The following RBBP7 variants were observed in gnomAD, a reference collection of about 807,000 sequenced individuals.
RBBP7 encodes the protein histone-binding protein RBBP7.
In RBBP7, 5 loss-of-function variants were observed where a neutral mutation model predicts 35.2. That is an observed-to-expected ratio of 0.14 (90% CI 0.07 to 0.30). RBBP7 has a LOEUF of 0.30. RBBP7 is among the 10% of genes least tolerant of loss of function. RBBP7 has a pLI of 1.00. For missense variants in RBBP7, 155 were observed against 327.5 expected, an observed-to-expected ratio of 0.47 and a Z score of 4.07; for synonymous variants, 140 against 118.7, an observed-to-expected ratio of 1.18 and a Z score of -1.17.
At chrX:16,854,992 T>C (rs1930312549) in intron 5 of RBBP7, among the ~76,000 whole-genome samples, 1 of 109,652 alleles carries the variant, frequency 9.1e-6, no homozygotes, top group South Asian at 3.9e-4. Context: ...TGGGTTTTTT[T>C]TTTTTTTTTA....
At chrX:16,855,995 C>CA (rs754398259) in intron 5 of RBBP7, among the ~76,000 whole-genome samples, 1,849 of 15,951 alleles carry the variant, frequency 0.12, 477 homozygotes, top group Non-Finnish European at 0.16. Context: ...GACCTTGTCT[C>CA]AAAAAAAAAA....
At chrX:16,845,959 G>T (rs760822190) in intron 10 of RBBP7, 21 bp from the exon 11 acceptor site, 2 of 1,198,466 alleles carry the variant, frequency 1.7e-6, no homozygotes, top group Admixed American at 2.3e-5. Context: ...AACAAAAAAA[G>T]CTTTGATTTC....
intron 2 of RBBP7, among the ~76,000 whole-genome samples, chrX:16,865,042 C>T (rs1043034717): frequency 1.5e-3 from 101 of 65,231 alleles, no homozygotes; most frequent in Non-Finnish European, 2.2e-3. Flanking sequence ...CCAGCCTGGG[C>T]AACATAGCAA....
intron 9 of RBBP7, 73 bp downstream of exon 9, chrX:16,851,973 A>G: frequency 1.1e-6 from 1 of 914,200 alleles, no homozygotes; most frequent in Non-Finnish European, 1.6e-6. Flanking sequence ...TTGCTTTTCT[A>G]GTTTATGAAT....
intron 8 of RBBP7, 108 bp from the exon 9 acceptor site, chrX:16,852,230 C>T: frequency 1.3e-6 from 1 of 742,056 alleles, no homozygotes; most frequent in Non-Finnish European, 2.1e-6. Flanking sequence ...TTATCTTATC[C>T]TTGGCCTGAT....
At chrX:16,852,146 T>C in intron 8 of RBBP7, 24 bp from the exon 9 acceptor site, 8 of 1,116,348 alleles carry the variant, frequency 7.2e-6, no homozygotes, top group Non-Finnish European at 9.9e-6. Flanking sequence ...ATTTTGAAAA[T>C]GTATTTAAAG....
At chrX:16,862,926 A>G in intron 3 of RBBP7, 29 bp downstream of exon 3, 1 of 1,194,039 alleles carries the variant, frequency 8.4e-7, no homozygotes, top group South Asian at 1.8e-5. Flanking sequence ...TCCCTTTGAC[A>G]CCAATATTGG....
intron 3 of RBBP7, among the ~76,000 whole-genome samples, chrX:16,860,468 C>T (rs1468918484): frequency 9.1e-6 from 1 of 110,201 alleles, no homozygotes; most frequent in Non-Finnish European, 1.9e-5. Context: ...GCGTGCGGAT[C>T]ATGAGGTCAG....
At chrX:16,852,957 C>CA (rs1602417647) in intron 6 of RBBP7, 82 bp from the exon 7 acceptor site, 1 of 1,184,617 alleles carries the variant, frequency 8.4e-7, no homozygotes. Flanking sequence ...CTGCACTCCA[C>CA]AACTAGCTCC....
intron 2 of RBBP7, among the ~76,000 whole-genome samples, chrX:16,866,397 A>G (rs891930376): frequency 7.4e-5 from 8 of 107,484 alleles, no homozygotes; most frequent in Non-Finnish European, 1.3e-4. Flanking sequence ...GTGGTGGCAC[A>G]AACCTGTAAT....
chrX:16,850,335 C>A (rs1930183204), intron 9 of RBBP7, among the ~76,000 whole-genome samples: 1 of 112,617 alleles, frequency 8.9e-6, no homozygotes, highest in Admixed American at 9.4e-5. Context: ...CCATGCCTGG[C>A]CCCCTATCTA....
At chrX:16,861,557 T>C (rs1331217211) in intron 3 of RBBP7, among the ~76,000 whole-genome samples, 2 of 111,701 alleles carry the variant, frequency 1.8e-5, no homozygotes, top group Non-Finnish European at 3.8e-5. Flanking sequence ...CTGTGTGCCC[T>C]GAGTGGTCTT....
chrX:16,853,500 T>C, intron 6 of RBBP7, 182 bp downstream of exon 6: 1 of 368,911 alleles, frequency 2.7e-6, no homozygotes, highest in Non-Finnish European at 4.4e-6. Flanking sequence ...CTCACACTCC[T>C]GGTCTCAAGC....
At chrX:16,864,542 A>AAAG (rs1555899250) in intron 2 of RBBP7, among the ~76,000 whole-genome samples, 2 of 40,711 alleles carry the variant, frequency 4.9e-5, no homozygotes, top group African/African-American at 2.1e-4. Context: ...AAAAAAAAAA[A>AAAG]AAAAAGAAAA....
intron 3 of RBBP7, among the ~76,000 whole-genome samples, chrX:16,861,502 C>A (rs1193152501): frequency 9.0e-6 from 1 of 111,223 alleles, no homozygotes. Context: ...CGCCACCACA[C>A]ATGGCTGATT....
chrX:16,865,063 CAAAAAAAAA>C (rs34381419), intron 2 of RBBP7, among the ~76,000 whole-genome samples: 717 of 24,547 alleles, frequency 0.029, 10 homozygotes, highest in Middle Eastern at 0.17. Context: ...GACCCTGTCT[CAAAAAAAAA>C]AAAAAAAAAA....
At chrX:16,845,743 A>G in intron 11 of RBBP7, 85 bp downstream of exon 11, 1 of 1,119,082 alleles carries the variant, frequency 8.9e-7, no homozygotes, top group Non-Finnish European at 1.2e-6. Flanking sequence ...ATGCACCTAC[A>G]TATTCGAAAT....
intron 2 of RBBP7, 54 bp from the exon 3 acceptor site, chrX:16,863,154 T>TA: frequency 9.0e-7 from 1 of 1,110,747 alleles, no homozygotes; most frequent in Non-Finnish European, 1.2e-6. Flanking sequence ...CTCCAATTGC[T>TA]AACAAATTCA....
intron 8 of RBBP7, 62 bp from the exon 9 acceptor site, chrX:16,852,184 T>C: frequency 1.0e-6 from 1 of 966,266 alleles, no homozygotes; most frequent in Middle Eastern, 2.6e-4. Flanking sequence ...TTTGTGGCTG[T>C]TGTTCTAATC....
Sources: allele counts gnomAD v4.1 joint callset (sites outside exome capture counted in the v4.1 genomes callset), GRCh38; gene constraint gnomAD v4.1.1; transcripts MANE v1.5; gene names NCBI Gene and HGNC (gene_info 2026-07-23, HGNC 2026-07-21).